CTNNA2: variants seen among roughly 807,000 people sequenced by gnomAD.
The protein encoded by CTNNA2 is catenin alpha 2.
In CTNNA2, 42 loss-of-function variants were observed where a neutral mutation model predicts 101.0. That is an observed-to-expected ratio of 0.42 (90% CI 0.32 to 0.54). The LOEUF is 0.54. CTNNA2 is among the 20% of genes least tolerant of loss of function. CTNNA2 has a pLI of 0.14. For synonymous variants in CTNNA2, 450 were observed against 456.4 expected, an observed-to-expected ratio of 0.99 and a Z score of 0.18; for missense variants, 871 against 1,223.1, an observed-to-expected ratio of 0.71 and a Z score of 4.29.
chr2:79,835,680 T>TGTTTTTTTTTTTGTTTGTTTG lies in CTNNA2; in HGVS notation c.299-22333_299-22332insGTTTTTTTTTTTGTTTGTTTG, dbSNP rs1327631921. On this transcript the variant is annotated intron_variant, in intron 3 of 18. Coordinates refer to ENST00000402739, the MANE Select transcript of CTNNA2 (RefSeq NM_001282597.3). ...GGCCTCTCTTTGTTTTTTTTTTTTT[T>TGTTTTTTTTTTTGTTTGTTTG]TTTTTTTTTTTTTTTTTTTTTTTGA... Among the ~76,000 whole-genome samples the TGTTTTTTTTTTTGTTTGTTTG allele has an allele frequency of 1.1e-4, 14 of 123,410 alleles. 1 individual carries two copies. Among genetic ancestry groups the TGTTTTTTTTTTTGTTTGTTTG allele is most frequent in the African/African-American group, 4.6e-4 (13 of 28,334 alleles). 81.0% of individuals were successfully genotyped at this position (123,410 alleles called of 152,430 possible).
chr2:79,624,591 G>T (rs552014240), intron 1 of CTNNA2, among the ~76,000 whole-genome samples: 2 of 152,272 alleles, frequency 1.3e-5, no homozygotes, highest in South Asian at 2.1e-4. Context: ...TTCAAGACTG[G>T]CCTGTAGAAG....
At chr2:80,182,728 C>A (rs1053307891) in intron 7 of CTNNA2, among the ~76,000 whole-genome samples, 2 of 152,150 alleles carry the variant, frequency 1.3e-5, no homozygotes, top group Admixed American at 1.3e-4. Flanking sequence ...TGCATTTGAG[C>A]TGGATTTTTA....
At chr2:79,195,593 T>C (rs1234573020) in intron 1 of CTNNA2, among the ~76,000 whole-genome samples, 1 of 152,164 alleles carries the variant, frequency 6.6e-6, no homozygotes, top group Non-Finnish European at 1.5e-5. Flanking sequence ...ACCAACCCTG[T>C]TGTACTCACA....
chr2:79,442,631 A>C (rs772895233), intron 4 of CTNNA2, among the ~76,000 whole-genome samples: 16 of 152,210 alleles, frequency 1.1e-4, no homozygotes, highest in Non-Finnish European at 2.2e-4. Context: ...TATTTATTAG[A>C]TGCAATAGGC....
At chr2:80,499,493 A>AT (rs957074466) in intron 9 of CTNNA2, among the ~76,000 whole-genome samples, 67 of 147,546 alleles carry the variant, frequency 4.5e-4, no homozygotes, top group Non-Finnish European at 4.4e-4. Flanking sequence ...ATTGGCCTGA[A>AT]TTTTTTTTTT....
At chr2:79,411,711 C>T (rs897447311) in intron 4 of CTNNA2, among the ~76,000 whole-genome samples, 9 of 152,042 alleles carry the variant, frequency 5.9e-5, no homozygotes, top group African/African-American at 2.2e-4. Context: ...ATTTTGTCAC[C>T]ACCAGGCCTG....
At chr2:79,817,316 C>CT (rs550422225) in intron 3 of CTNNA2, among the ~76,000 whole-genome samples, 10,526 of 73,222 alleles carry the variant, frequency 0.14, 2,115 homozygotes, top group East Asian at 0.29. Flanking sequence ...TTCTCTCTCA[C>CT]TTTTTTTTTT....
At chr2:79,700,997 GTTGT>G in intron 2 of CTNNA2, among the ~76,000 whole-genome samples, 1 of 152,246 alleles carries the variant, frequency 6.6e-6, no homozygotes, top group Middle Eastern at 3.4e-3. Flanking sequence ...GCTTGGACAA[GTTGT>G]TTGTGGAGTT....
chr2:79,588,937 G>C (rs1340805042), intron 1 of CTNNA2, among the ~76,000 whole-genome samples: 1 of 152,186 alleles, frequency 6.6e-6, no homozygotes, highest in South Asian at 2.1e-4. Flanking sequence ...ATCATAAATT[G>C]AGACTATTAA....
At chr2:80,636,902 C>G (rs1672943902) in intron 18 of CTNNA2, among the ~76,000 whole-genome samples, 1 of 151,780 alleles carries the variant, frequency 6.6e-6, no homozygotes, top group South Asian at 2.1e-4. Flanking sequence ...TCTTGACTAC[C>G]CCTTTATTCC....
At chr2:80,215,015 AATC>A (rs1209099606) in intron 7 of CTNNA2, among the ~76,000 whole-genome samples, 1 of 151,976 alleles carries the variant, frequency 6.6e-6, no homozygotes, top group Non-Finnish European at 1.5e-5. Flanking sequence ...TTTAACCTTC[AATC>A]ACTGATACCC....
rs1680286902 is a variant in CTNNA2 at position 79,847,098 on chromosome 2, T to C, written c.299-10915T>C. 3.3e-5 allele frequency among the ~76,000 whole-genome samples: 5 copies of C among 152,300 alleles called. 1 individual carries two copies. The South Asian group carries it at 1.0e-3, about 32-fold the overall frequency. ...AACCTCAGCATTAGTTCTCAGGCAA[T>C]GGCTAATGAGCATTCATCTTGACAT... On this transcript the variant is annotated intron_variant, in intron 3 of 18. Transcript: ENST00000402739.
intron 1 of CTNNA2, among the ~76,000 whole-genome samples, chr2:79,609,002 A>G (rs1423620001): frequency 6.6e-6 from 1 of 152,048 alleles, no homozygotes; most frequent in Non-Finnish European, 1.5e-5. Context: ...GATCAAGGAA[A>G]AATCTACTAG....
intron 4 of CTNNA2, among the ~76,000 whole-genome samples, chr2:79,413,184 A>T (rs1334894053): frequency 1.3e-5 from 2 of 151,528 alleles, no homozygotes; most frequent in Admixed American, 6.6e-5. Context: ...GTGGCTGGGG[A>T]GGGGGTGGTT....
chr2:79,304,991 T>C (rs1405109957), intron 2 of CTNNA2, among the ~76,000 whole-genome samples: 1 of 152,096 alleles, frequency 6.6e-6, no homozygotes, highest in East Asian at 1.9e-4. Flanking sequence ...CCAAACTATC[T>C]TGAGTGTGAC....
chr2:80,326,014 G>T (rs1679207118), intron 7 of CTNNA2, among the ~76,000 whole-genome samples: 2 of 152,170 alleles, frequency 1.3e-5, no homozygotes, highest in South Asian at 4.1e-4. Flanking sequence ...ATTTGGTCAT[G>T]TTACATAAGC....
At chr2:80,547,352 A>G (rs1416280855) in intron 11 of CTNNA2, among the ~76,000 whole-genome samples, 1 of 152,142 alleles carries the variant, frequency 6.6e-6, no homozygotes, top group Non-Finnish European at 1.5e-5. Flanking sequence ...AGGTACTACT[A>G]ATTCTAGGTT....
rs149733577 is a variant in CTNNA2, at chr2:79,411,809, T to C, written c.-135+37796T>C. Among the ~76,000 whole-genome samples the C allele has an allele frequency of 3.0e-3, 449 of 152,102 alleles. 14 individuals are homozygous for C. In the East Asian group the frequency reaches 0.061, roughly 21 times the overall value. Reference sequence around the variant, plus strand: ...CAAAATCATGCCAAAATGTAAAGACTATCAAGACTAGGAAGAAACTGCATC... The same window carrying C: ...CAAAATCATGCCAAAATGTAAAGACCATCAAGACTAGGAAGAAACTGCATC... On this transcript the variant is annotated intron_variant, in intron 4 of 21. Transcript: ENST00000466387.
chr2:80,172,099 G>A (rs535453076), intron 7 of CTNNA2, among the ~76,000 whole-genome samples: 31 of 152,162 alleles, frequency 2.0e-4, no homozygotes, highest in African/African-American at 6.7e-4. Context: ...GACAGGGAGC[G>A]GTTTCCATGT....
Sources: allele counts gnomAD v4.1 joint callset (sites outside exome capture counted in the v4.1 genomes callset), GRCh38; gene constraint gnomAD v4.1.1; transcripts MANE v1.5; gene names NCBI Gene and HGNC (gene_info 2026-07-23, HGNC 2026-07-21).